The following VCPIP1 variants were observed in gnomAD, a reference collection of about 807,000 sequenced individuals.
The protein encoded by VCPIP1 is valosin containing protein interacting protein 1, also known as deubiquitinating protein VCPIP1.
VCPIP1 carries 8 observed loss-of-function variants against 85.0 expected under a neutral mutation model. The ratio of observed to expected loss-of-function variants is 0.09; its 90% CI spans 0.06 to 0.17. The LOEUF is 0.17. Among genes scored for constraint, VCPIP1 ranks in the 10% least tolerant of loss-of-function variants. VCPIP1 has a pLI of 1.00. For synonymous variants in VCPIP1, 543 were observed against 544.5 expected (o/e 1.00, Z 0.04); for missense variants, 1,070 against 1,486.3 (o/e 0.72, Z 4.61).
chr8:66,665,117 A>G lies in VCPIP1; in HGVS notation c.1842T>C (p.Ser614=). 6.2e-7 allele frequency: 1 copy of G among 1,613,090 alleles called. No individual in the cohort carries two copies. The highest frequency in any genetic ancestry group is 8.5e-7 in the Non-Finnish European group (1 of 1,179,254). The stretch of plus-strand genomic sequence containing the variant: ...AAACATTACTATTCAAAGATGAATC[A>G]CTTTCATACTGGAACCAATATACTG... ...RETVYWFQYE[S]DSSLNSNVYD... Residue 614 remains serine (S), a synonymous_variant, in exon 1 of 3, where the codon AGT becomes AGC. Coordinates refer to ENST00000310421, the MANE Select transcript of VCPIP1 (RefSeq NM_025054.5). The surrounding 1 kb of genome is among the most constrained non-coding windows in gnomAD (Gnocchi z 4.3).
intron 2 of VCPIP1, among the ~76,000 whole-genome samples, chr8:66,649,785 C>CATATATATAGT: frequency 6.6e-6 from 1 of 152,084 alleles, no homozygotes; most frequent in Middle Eastern, 3.4e-3. Context: ...GGTTACATGA[C>CATATATATAGT]TATATATGTT....
rs13254865 is a variant in VCPIP1 at position 66,661,660 on chromosome 8, C to T, written c.2710+2589G>A. Among the ~76,000 whole-genome samples the T allele has an allele frequency of 2.4e-3, 358 of 151,712 alleles. 2 individuals are homozygous for T. Among genetic ancestry groups the T allele is most frequent in the Middle Eastern group, 0.01 (3 of 294 alleles). ...CTGAGGCAGGAGAATCATTTGAACC[C>T]AGGTAGCAGAGGTTGCAATGAGCTG... On this transcript the variant is annotated intron_variant, in intron 1 of 2. Transcript: ENST00000310421.
At chr8:66,643,302 A>AAT (rs1182851191) in intron 2 of VCPIP1, among the ~76,000 whole-genome samples, 1 of 151,894 alleles carries the variant, frequency 6.6e-6, no homozygotes, top group East Asian at 1.9e-4. Context: ...CAGCCTAGGC[A>AAT]ATAGAGTGAG....
chr8:66,666,680 T>C lies in VCPIP1; in HGVS notation c.279A>G (p.Val93=). Residue 93 remains valine, a synonymous_variant, in exon 1 of 3, where the codon GTA becomes GTG. Transcript: ENST00000310421. This position sits in a 1 kb window ranked among gnomAD's most constrained non-coding sequence, Gnocchi z 6.3. The part of the protein sequence containing the change: ...LGVEEVTDPD[V]VLHNLLRNAL... Reference sequence around the variant, plus strand: ...CGTTCCGCAGCAGGTTGTGTAGCACTACGTCCGGGTCGGTCACCTCCTCAA... The same window carrying C: ...CGTTCCGCAGCAGGTTGTGTAGCACCACGTCCGGGTCGGTCACCTCCTCAA... 1 of 1,614,212 alleles carries C rather than the reference T, an allele frequency of 6.2e-7. No individual in the cohort carries two copies. The highest frequency in any genetic ancestry group is 2.2e-5 in the East Asian group (1 of 44,888).
chr8:66,639,191 C>T (rs1404658903), intron 2 of VCPIP1, among the ~76,000 whole-genome samples: 1 of 151,382 alleles, frequency 6.6e-6, no homozygotes, highest in Non-Finnish European at 1.5e-5. Context: ...CATCATGTTG[C>T]CCAGGCTCGT....
intron 1 of VCPIP1, among the ~76,000 whole-genome samples, chr8:66,658,410 A>G (rs898894948): frequency 6.8e-6 from 1 of 146,598 alleles, no homozygotes; most frequent in Non-Finnish European, 1.5e-5. Context: ...CCAACATTTG[A>G]AAAAAAAAAA....
In VCPIP1 at chr8:66,629,987, T is replaced by C. The variant is rs1187941260; in HGVS notation, c.*4514A>G. On this transcript the variant is annotated 3_prime_UTR_variant, in exon 3 of 3. Transcript: ENST00000310421. ...GAAAACTTTATTATTTAAGAATTTCTTTATAAAACTGAACTATATGTTCAT... is the reference window on the plus strand; with the variant it reads ...GAAAACTTTATTATTTAAGAATTTCCTTATAAAACTGAACTATATGTTCAT... 6.6e-6 allele frequency: 1 copy of C among 152,216 alleles called. No homozygotes were observed. Among genetic ancestry groups the C allele is most frequent in the East Asian group, 1.9e-4 (1 of 5,198 alleles). The allele number at this position is 152,216 out of a possible 1,614,324, so 9.4% of individuals were successfully genotyped here.
At chr8:66,655,295 T>C (rs150432745) in intron 1 of VCPIP1, among the ~76,000 whole-genome samples, 110 of 152,370 alleles carry the variant, frequency 7.2e-4, no homozygotes, top group East Asian at 2.9e-3. Flanking sequence ...AATGAATGTA[T>C]AGATGCAAGC....
rs577252478 is a variant in VCPIP1 at position 66,653,231 on chromosome 8, A to G, written c.2711-1687T>C. 5.5e-4 allele frequency among the ~76,000 whole-genome samples: 84 copies of G among 151,890 alleles called. 2 individuals are homozygous for G. In the South Asian group the frequency reaches 5.8e-3, roughly 11 times the overall value. ...GACACACAGAAGTTTAATATTAATA[A>G]GAGTCCACAAATAAAGAAATATTAA... is the stretch of plus-strand genomic sequence containing the variant. On this transcript the variant is annotated intron_variant, in intron 1 of 2. Transcript: ENST00000310421.
In VCPIP1 at chr8:66,664,492, G is replaced by A. The variant is rs147232992; in HGVS notation, c.2467C>T (p.Pro823Ser). ...GCCTGTGGTGGCATTAACTCTTTAG[G>A]AGGAAACCCGTATCGAATACACTGT... Reference protein sequence around the residue: ...YLQCIRYGFPPKELMPPQAGM... With the variant: ...YLQCIRYGFPSKELMPPQAGM... The change falls in exon 1 of 3, where the codon CCT (proline) becomes TCT (serine). Residue 823 changes from proline to serine, a missense_variant. Physicochemically the swap from Pro to Ser is moderately conservative, Grantham distance 74. Around this residue, in one of 8 missense-constraint regions of VCPIP1, gnomAD observed 278 missense variants for 298.5 expected, o/e 0.93. Coordinates refer to ENST00000310421, the MANE Select transcript of VCPIP1 (RefSeq NM_025054.5). 1.2e-6 allele frequency: 2 copies of A among 1,613,966 alleles called. No homozygotes were observed. Among genetic ancestry groups the A allele is most frequent in the Admixed American group, 1.7e-5 (1 of 60,000 alleles).
At position 66,664,278 on chromosome 8, in the gene VCPIP1, T is replaced by C; in HGVS notation, c.2681A>G (p.Tyr894Cys). The C allele has an allele frequency of 6.3e-7, 1 of 1,592,900 alleles. No homozygotes were observed. The highest frequency in any genetic ancestry group is 8.6e-7 in the Non-Finnish European group (1 of 1,166,910). ...TAATGTTGCTAAAAGACACAAGGAGTACATTTCTTTTTCAGCTTGCTCCTG... is the reference window on the plus strand; with the variant it reads ...TAATGTTGCTAAAAGACACAAGGAGCACATTTCTTTTTCAGCTTGCTCCTG... ...ELQEQAEKEM[Y>C]SLCLLATLMG... Residue 894 changes from tyrosine (Y) to cysteine (C), a missense_variant, in exon 1 of 3, where the codon TAC (tyrosine) becomes TGC (cysteine). Transcript: ENST00000310421.
In VCPIP1 at chr8:66,665,275, T is replaced by C; in HGVS notation, c.1684A>G (p.Arg562Gly). Residue 562 changes from arginine (R) to glycine (G), a missense_variant, in exon 1 of 3, where the codon AGA (arginine) becomes GGA (glycine). Transcript: ENST00000310421. This position sits in a 1 kb window ranked among gnomAD's most constrained non-coding sequence, Gnocchi z 4.3. Reference protein sequence around the residue: ...DGSIVYLDGDRTNSRSTGGKC... With the variant: ...DGSIVYLDGDGTNSRSTGGKC... ...CCACCAGTGGACCTAGAATTAGTTCTGTCTCCATCCAAATACACAATAGAC... is the reference window on the plus strand; with the variant it reads ...CCACCAGTGGACCTAGAATTAGTTCCGTCTCCATCCAAATACACAATAGAC... 1 of 1,614,218 alleles carries C rather than the reference T, an allele frequency of 6.2e-7. No homozygotes were observed.
At chr8:66,659,553 A>G (rs940985349) in intron 1 of VCPIP1, among the ~76,000 whole-genome samples, 2 of 152,182 alleles carry the variant, frequency 1.3e-5, no homozygotes, top group Non-Finnish European at 2.9e-5. Flanking sequence ...AATATAAGTA[A>G]TAGACGATCT....
In VCPIP1 at chr8:66,667,037, T is replaced by G. The variant is rs1586632357; in HGVS notation, c.-79A>C. ...TAGCCCAGACCCCCACCAACCCGAC[T>G]CGGTCCAGTCCAGGCCCAGGGCGAA... On this transcript the variant is annotated 5_prime_UTR_variant, in exon 1 of 3. Transcript: ENST00000310421. The G allele has an allele frequency of 6.9e-7, 1 of 1,440,082 alleles. No individual in the cohort carries two copies. The highest frequency in any genetic ancestry group is 9.1e-7 in the Non-Finnish European group (1 of 1,100,590). The allele number at this position is 1,440,082 out of a possible 1,614,324, so 89.2% of individuals were successfully genotyped here. A position where few individuals can be genotyped will look rare whatever the true frequency, so the allele number is the denominator to read the frequency against.
chr8:66,629,837 G>A lies in VCPIP1; in HGVS notation c.*4664C>T, dbSNP rs1037304767. 1 of 152,182 alleles carries A rather than the reference G, an allele frequency of 6.6e-6. No homozygotes were observed. The highest frequency in any genetic ancestry group is 1.5e-5 in the Non-Finnish European group (1 of 68,050). 9.4% of individuals were successfully genotyped at this position (152,182 alleles called of 1,614,324 possible). On this transcript the variant is annotated 3_prime_UTR_variant, in exon 3 of 3. Coordinates refer to ENST00000310421, the MANE Select transcript of VCPIP1 (RefSeq NM_025054.5). ...CAATCCAGCATGGGCAGCAGAGTGA[G>A]ACCGTTTTGGTTTTTTTTTAAATTG... is the stretch of plus-strand genomic sequence containing the variant.
chr8:66,665,858 G>C lies in VCPIP1; in HGVS notation c.1101C>G (p.Pro367=). ...PLVGIKGAAL[P]KLPMNLLPKA... is the part of the protein sequence containing the mutation. Reference sequence around the variant, plus strand: ...TAGGAAGCAAATTCATAGGCAGTTTGGGCAAAGCAGCCCCTTTTATGCCTA... The same window carrying C: ...TAGGAAGCAAATTCATAGGCAGTTTCGGCAAAGCAGCCCCTTTTATGCCTA... Residue 367 remains proline, a synonymous_variant, in exon 1 of 3, where the codon CCC becomes CCG. Transcript: ENST00000310421. The surrounding 1 kb of genome is among the most constrained non-coding windows in gnomAD (Gnocchi z 4.3). The C allele has an allele frequency of 6.2e-7, 1 of 1,614,170 alleles. No individual in the cohort carries two copies.
In VCPIP1 at chr8:66,666,317, G is replaced by A. The variant is rs1361162478; in HGVS notation, c.642C>T (p.Asp214=). ...SQECLIPVHV[D]GDGHCLVHAV... Reference sequence around the variant, plus strand: ...CATGCACCAAGCAGTGTCCATCCCCGTCCACATGCACTGGAATGAGACATT... The same window carrying A: ...CATGCACCAAGCAGTGTCCATCCCCATCCACATGCACTGGAATGAGACATT... The change falls in exon 1 of 3, where the codon GAC becomes GAT. Residue 214 remains aspartate (D), a synonymous_variant. Transcript: ENST00000310421. The surrounding 1 kb of genome is among the most constrained non-coding windows in gnomAD (Gnocchi z 6.3). 2.5e-6 allele frequency: 4 copies of A among 1,614,062 alleles called. No individual in the cohort carries two copies. The highest frequency in any genetic ancestry group is 3.4e-6 in the Non-Finnish European group (4 of 1,180,006).
intron 2 of VCPIP1, among the ~76,000 whole-genome samples, chr8:66,639,955 T>C (rs984932086): frequency 2.6e-5 from 4 of 151,876 alleles, no homozygotes; most frequent in African/African-American, 7.3e-5. Flanking sequence ...TTTCGGAGCA[T>C]AGAGGGTGGG....
intron 1 of VCPIP1, among the ~76,000 whole-genome samples, chr8:66,654,068 C>T (rs1386760678): frequency 6.6e-6 from 1 of 152,182 alleles, no homozygotes; most frequent in Non-Finnish European, 1.5e-5. Flanking sequence ...AGGAAACAAG[C>T]TCAGAGAGCT....
Sources: allele counts gnomAD v4.1 joint callset (sites outside exome capture counted in the v4.1 genomes callset), GRCh38; gene constraint gnomAD v4.1.1; regional missense constraint gnomAD v4.1.1; non-coding constraint Gnocchi (gnomAD v3.1); transcripts MANE v1.5; gene names NCBI Gene and HGNC (gene_info 2026-07-23, HGNC 2026-07-21).